The following DDR2 variants were observed in gnomAD, a reference collection of about 807,000 sequenced individuals.
The protein encoded by DDR2 is discoidin domain receptor tyrosine kinase 2.
A neutral mutation model predicts 94.9 loss-of-function variants in DDR2; 27 were observed. The ratio of observed to expected loss-of-function variants is 0.28; its 90% CI spans 0.21 to 0.39. DDR2 has a LOEUF of 0.39. Among genes scored for constraint, DDR2 ranks in the 10% least tolerant of loss-of-function variants. DDR2 has a pLI of 1.00. For missense variants in DDR2, 783 were observed against 1,076.0 expected, an observed-to-expected ratio of 0.73 and a Z score of 3.81; for synonymous variants, 382 against 377.2, an observed-to-expected ratio of 1.01 and a Z score of -0.15.
chr1:162,720,684 A>G (rs1310026631), intron 3 of DDR2, among the ~76,000 whole-genome samples: 1 of 152,138 alleles, frequency 6.6e-6, no homozygotes, highest in Non-Finnish European at 1.5e-5. Context: ...GTGGAACTTC[A>G]TATGTGTAGC....
At chr1:162,679,166 G>GT (rs111682863) in intron 2 of DDR2, among the ~76,000 whole-genome samples, 6,589 of 148,920 alleles carry the variant, frequency 0.044, 393 homozygotes, top group African/African-American at 0.14. Context: ...TACCCAATAG[G>GT]TTTTTTTTTT....
intron 3 of DDR2, among the ~76,000 whole-genome samples, chr1:162,727,401 TGTATATTTATGTAA>T: frequency 6.9e-6 from 1 of 144,984 alleles, no homozygotes; most frequent in African/African-American, 2.5e-5. Flanking sequence ...TATTTATGTG[TGTATATTTATGTAA>T]GTATATTTAT....
Position 162,753,185 on chromosome 1 carries a change from C to T in DDR2, c.173C>T (p.Ala58Val). 6.2e-7 allele frequency: 1 copy of T among 1,613,272 alleles called. No homozygotes were observed. The highest frequency in any genetic ancestry group is 8.5e-7 in the Non-Finnish European group (1 of 1,179,496). ...AGTCAGTGGTCAGAGTCCACAGCTGCCAAATATGGAAGGTGAGGATGGTTA... is the reference window on the plus strand; with the variant it reads ...AGTCAGTGGTCAGAGTCCACAGCTGTCAAATATGGAAGGTGAGGATGGTTA... ...ASSQWSESTA[A>V]KYGRLDSEEG... Residue 58 changes from alanine to valine, a missense_variant, in exon 4 of 18, where the codon GCC (alanine) becomes GTC (valine). Physicochemically the swap from Ala to Val is moderately conservative, Grantham distance 64. Transcript: ENST00000367921.
Position 162,780,239 on chromosome 1 carries a change from A to G in DDR2, c.2561A>G (p.Asp854Gly), listed in dbSNP as rs567134957. ...CACCTTCTGCTCCTTCAACAAGGCG[A>G]CGAGTGATGCTGTCAGTGCCTGGCC... Reference protein sequence around the residue: ...EIHLLLLQQGDE With the variant: ...EIHLLLLQQGGE The change falls in exon 18 of 18, where the codon GAC (aspartate) becomes GGC (glycine). Residue 854 changes from aspartate (D) to glycine (G), a missense_variant. Coordinates refer to ENST00000367921, the MANE Select transcript of DDR2 (RefSeq NM_006182.4). The G allele has an allele frequency of 6.2e-7, 1 of 1,613,840 alleles. No homozygotes were observed. Among genetic ancestry groups the G allele is most frequent in the African/African-American group, 1.3e-5 (1 of 74,966 alleles).
intron 2 of DDR2, among the ~76,000 whole-genome samples, chr1:162,665,053 C>T (rs988221957): frequency 6.6e-6 from 1 of 152,194 alleles, no homozygotes; most frequent in Non-Finnish European, 1.5e-5. Flanking sequence ...CTTTCAGAGT[C>T]AAATCCCAAT....
chr1:162,687,365 C>G (rs576046622), intron 2 of DDR2, among the ~76,000 whole-genome samples: 4 of 152,358 alleles, frequency 2.6e-5, no homozygotes, highest in Non-Finnish European at 4.4e-5. Flanking sequence ...CTTGCTTTCC[C>G]TGGCCTCTGT....
At chr1:162,775,573 G>A (rs1558080745) in intron 14 of DDR2, 79 bp from the exon 15 acceptor site, 3 of 1,479,108 alleles carry the variant, frequency 2.0e-6, no homozygotes, top group Non-Finnish European at 1.9e-6. Context: ...TCCAGGAATA[G>A]GCCTTGGTGT....
rs147060603 is a variant in DDR2, at chr1:162,697,471, C to T, written c.-27-21566C>T. On this transcript the variant is annotated intron_variant, in intron 2 of 17. Coordinates refer to ENST00000367921, the MANE Select transcript of DDR2 (RefSeq NM_006182.4). Reference sequence around the variant, plus strand: ...CATTCCAATATGAGATCGAACCTGACAATTTTGCATGCTAACCTGGACTGT... The same window carrying T: ...CATTCCAATATGAGATCGAACCTGATAATTTTGCATGCTAACCTGGACTGT... 2.1e-3 allele frequency among the ~76,000 whole-genome samples: 318 copies of T among 152,252 alleles called. 3 individuals are homozygous for T. The highest frequency in any genetic ancestry group is 7.2e-3 in the African/African-American group (301 of 41,536).
chr1:162,668,598 A>G (rs1658689438), intron 2 of DDR2, among the ~76,000 whole-genome samples: 1 of 152,110 alleles, frequency 6.6e-6, no homozygotes, highest in South Asian at 2.1e-4. Context: ...TGATGTTTAC[A>G]TACTCTTCAT....
intron 2 of DDR2, among the ~76,000 whole-genome samples, chr1:162,681,560 A>G (rs969858590): frequency 6.6e-6 from 1 of 152,152 alleles, no homozygotes; most frequent in Non-Finnish European, 1.5e-5. Flanking sequence ...ATTTTTCACA[A>G]TTCTGGAGGC....
intron 3 of DDR2, chr1:162,741,846 G>A: frequency 1.4e-6 from 1 of 695,694 alleles, no homozygotes; most frequent in Non-Finnish European, 1.8e-6. Flanking sequence ...TTAAGTCACT[G>A]GTGACAAGGA....
At chr1:162,771,469 A>C (rs1664263691) in intron 12 of DDR2, among the ~76,000 whole-genome samples, 1 of 152,216 alleles carries the variant, frequency 6.6e-6, no homozygotes, top group Non-Finnish European at 1.5e-5. Context: ...AATTCAAGTA[A>C]TTTCACAGAG....
intron 2 of DDR2, among the ~76,000 whole-genome samples, chr1:162,683,268 T>C (rs1399924617): frequency 1.3e-5 from 2 of 152,126 alleles, no homozygotes. Context: ...AAGACAGGGA[T>C]CAAGGCAAGA....
chr1:162,715,498 T>A (rs1661124494), intron 2 of DDR2, among the ~76,000 whole-genome samples: 1 of 151,974 alleles, frequency 6.6e-6, no homozygotes, highest in Non-Finnish European at 1.5e-5. Context: ...GAAGCTCCAG[T>A]GTGACTGAGG....
In DDR2 at chr1:162,782,175, A is replaced by C. The variant is rs1647936798; in HGVS notation, c.*1929A>C. On this transcript the variant is annotated 3_prime_UTR_variant, in exon 18 of 18. Coordinates refer to ENST00000367921, the MANE Select transcript of DDR2 (RefSeq NM_006182.4). ...TTAATCCTCTTTCTGCTTCACACTA[A>C]GTGTGTCATCTTGGCTAAATCACTT... 6.6e-6 allele frequency: 1 copy of C among 152,162 alleles called. No homozygotes were observed. The allele number at this position is 152,162 out of a possible 1,614,324, so 9.4% of individuals were successfully genotyped here. A position where few individuals can be genotyped will look rare whatever the true frequency, so the allele number is the denominator to read the frequency against.
In DDR2 at chr1:162,684,812, A is replaced by AACACACACACAC. The variant is rs56958157; in HGVS notation, c.-28+29470_-28+29481dup. Reference sequence around the variant, plus strand: ...ACAGAAACACACAAACACACCCACCAACACACACACACACACACACACACA... The same window carrying AACACACACACAC: ...ACAGAAACACACAAACACACCCACCAACACACACACACACACACACACACACACACACACACA... On this transcript the variant is annotated intron_variant, in intron 2 of 17. Transcript: ENST00000367921. Among the ~76,000 whole-genome samples the AACACACACACAC allele has an allele frequency of 3.3e-3, 449 of 138,024 alleles. 1 individual carries two copies. Among genetic ancestry groups the AACACACACACAC allele is most frequent in the African/African-American group, 8.1e-3 (308 of 37,974 alleles). The allele number at this position is 138,024 out of a possible 152,430, so 90.5% of individuals were successfully genotyped here.
rs528826602 is a variant in DDR2 at position 162,730,814 on chromosome 1, C to T, written c.82+11669C>T. The stretch of plus-strand genomic sequence containing the variant: ...GAGGGCTTCTCCTTACATTCCCCCT[C>T]CACACAGCCCCAGCATTTGGCACAT... On this transcript the variant is annotated intron_variant, in intron 3 of 17. Coordinates refer to ENST00000367921, the MANE Select transcript of DDR2 (RefSeq NM_006182.4). Among the ~76,000 whole-genome samples, 4 of 152,328 alleles carry T rather than the reference C, an allele frequency of 2.6e-5. No homozygotes were observed. In the South Asian group the frequency reaches 8.3e-4, roughly 32 times the overall value.
intron 16 of DDR2, among the ~76,000 whole-genome samples, chr1:162,778,239 A>G (rs1354316372): frequency 1.3e-5 from 2 of 152,288 alleles, no homozygotes; most frequent in East Asian, 3.9e-4. Flanking sequence ...TCTCTAACAT[A>G]AAAACCATTG....
At chr1:162,706,962 A>G (rs1660692484) in intron 2 of DDR2, among the ~76,000 whole-genome samples, 1 of 152,202 alleles carries the variant, frequency 6.6e-6, no homozygotes, top group African/African-American at 2.4e-5. Flanking sequence ...TATCTTGGCA[A>G]GGATTGCAGA....
Sources: gnomAD v4.1 joint callset for allele counts (sites outside exome capture counted in the v4.1 genomes callset) on GRCh38, gnomAD v4.1.1 for gene constraint, MANE v1.5 for transcripts, NCBI Gene and HGNC (gene_info 2026-07-23, HGNC 2026-07-21) for gene names.